The following MOB3A variants were observed in gnomAD, a reference collection of about 807,000 sequenced individuals.
The protein encoded by MOB3A is MOB LAK.
In MOB3A, 17 loss-of-function variants were observed where a neutral mutation model predicts 17.8. The ratio of observed to expected loss-of-function variants is 0.95; its 90% confidence interval spans 0.65 to 1.43. The LOEUF is 1.43. Among genes scored for constraint, MOB3A ranks in the 40% most tolerant of loss-of-function variants. MOB3A has a pLI of 0.00. For synonymous variants in MOB3A, 124 were observed against 133.2 expected, an observed-to-expected ratio of 0.93 and a Z score of 0.48; for missense variants, 333 against 310.8, an observed-to-expected ratio of 1.07 and a Z score of -0.54.
chr19:2,092,142 C>T (rs1033719709), intron 1 of MOB3A, among the ~76,000 whole-genome samples: 14 of 148,568 alleles, frequency 9.4e-5, no homozygotes, highest in Non-Finnish European at 1.9e-4. Flanking sequence ...GCTCTATCCC[C>T]CAGGCTGGAG....
In MOB3A at chr19:2,076,694, G is replaced by C; in HGVS notation, c.624+117C>G. ...GTCCCCGGGGCCCAACTCCAGCCGG[G>C]GCCGCCAGCTGCTGGGCCGACCGCA... is the stretch of plus-strand genomic sequence containing the variant. On this transcript the variant is annotated intron_variant, in intron 4 of 4. Transcript: ENST00000357066. 2.9e-6 allele frequency: 3 copies of C among 1,039,262 alleles called. No individual in the cohort carries two copies. In the South Asian group the frequency reaches 4.4e-5, roughly 15 times the overall value. 64.4% of individuals were successfully genotyped at this position (1,039,262 alleles called of 1,614,324 possible). A position where few individuals can be genotyped will look rare whatever the true frequency, so the allele number is the denominator to read the frequency against.
At chr19:2,083,962 G>A (rs577590156) in intron 2 of MOB3A, 1 of 261,364 alleles carries the variant, frequency 3.8e-6, no homozygotes, top group African/African-American at 2.3e-5. Flanking sequence ...TGTAGAGATA[G>A]GGTCTCACTA....
rs1004320 is a variant in MOB3A at position 2,082,679 on chromosome 19, C to T, written c.-120+2496G>A. Among the ~76,000 whole-genome samples the T allele has an allele frequency of 0.22, 34,148 of 152,044 alleles. 4,188 individuals carry two copies. Among genetic ancestry groups the T allele is most frequent in the African/African-American group, 0.33 (13,697 of 41,416 alleles). The stretch of plus-strand genomic sequence containing the variant: ...TAGTGACACACGCTTCCCGGGCCAG[C>T]GCTGCTCCACCACGGGGCCCCTCCA... On this transcript the variant is annotated intron_variant, in intron 2 of 4. Coordinates refer to ENST00000357066, the MANE Select transcript of MOB3A (RefSeq NM_130807.3). This position sits in a 1 kb window ranked among gnomAD's most constrained non-coding sequence, Gnocchi z 4.1.
In MOB3A at chr19:2,082,488, C is replaced by T. The variant is rs2017501200; in HGVS notation, c.-120+2687G>A. Among the ~76,000 whole-genome samples the T allele has an allele frequency of 6.6e-6, 1 of 152,234 alleles. No individual in the cohort carries two copies. Among genetic ancestry groups the T allele is most frequent in the Non-Finnish European group, 1.5e-5 (1 of 68,042 alleles). ...GATTCTACAGCAGTGTCTCACGCCA[C>T]AGAGCTAGTGGGTGGATCGGCTGGG... On this transcript the variant is annotated intron_variant, in intron 2 of 4. Transcript: ENST00000357066. This position sits in a 1 kb window ranked among gnomAD's most constrained non-coding sequence, Gnocchi z 4.1.
At chr19:2,088,860 C>T (rs1442350651) in intron 1 of MOB3A, among the ~76,000 whole-genome samples, 2 of 152,180 alleles carry the variant, frequency 1.3e-5, no homozygotes, top group Non-Finnish European at 2.9e-5. Context: ...ACCTTGGCCT[C>T]CCAAAGTGCT....
chr19:2,080,600 T>C (rs534796710), intron 2 of MOB3A, among the ~76,000 whole-genome samples: 6 of 152,080 alleles, frequency 3.9e-5, no homozygotes, highest in South Asian at 2.1e-4. Context: ...TGGTCTCGAA[T>C]TCCTGACCTC....
Position 2,076,925 on chromosome 19 carries a change from G to T in MOB3A, c.510C>A (p.His170Gln). 6.2e-7 allele frequency: 1 copy of T among 1,614,084 alleles called. No individual in the cohort carries two copies. The highest frequency in any genetic ancestry group is 8.5e-7 in the Non-Finnish European group (1 of 1,180,040). Residue 170 changes from histidine (H) to glutamine (Q), a missense_variant, in exon 4 of 5, where the codon CAC becomes CAA. Transcript: ENST00000357066. ...FRVFVHVYIH[H>Q]FDRIAQMGSE... ...AGCCCATCTGCGCGATGCGGTCAAAGTGGTGGATGTAGACGTGCACGAACA... is the reference window on the plus strand; with the variant it reads ...AGCCCATCTGCGCGATGCGGTCAAATTGGTGGATGTAGACGTGCACGAACA...
At chr19:2,077,232 C>CAAATA (rs1407127701) in intron 3 of MOB3A, among the ~76,000 whole-genome samples, 4 of 152,076 alleles carry the variant, frequency 2.6e-5, no homozygotes, top group African/African-American at 9.7e-5. Context: ...GAAACCCCAT[C>CAAATA]TTTACTAAAA....
At chr19:2,083,171 G>A (rs891441618) in intron 2 of MOB3A, among the ~76,000 whole-genome samples, 8 of 152,282 alleles carry the variant, frequency 5.3e-5, no homozygotes, top group South Asian at 4.1e-4. Context: ...CCCAAGGAAG[G>A]AGTAATCCCG....
At chr19:2,077,665 C>T in intron 3 of MOB3A, among the ~76,000 whole-genome samples, 1 of 152,044 alleles carries the variant, frequency 6.6e-6, no homozygotes, top group East Asian at 1.9e-4. Context: ...GGACTCCAGG[C>T]CTGATGCTGA....
Position 2,076,853 on chromosome 19 carries a change from G to A in MOB3A, c.582C>T (p.Val194=). Residue 194 remains valine (V), a synonymous_variant, in exon 4 of 5, where the codon GTC becomes GTT. Transcript: ENST00000357066. ...TGGTGTCGATGAGGCCGAACTCCTTGACGAAATAGTAGAAGTGCTTGTAGC... is the reference window on the plus strand; with the variant it reads ...TGGTGTCGATGAGGCCGAACTCCTTAACGAAATAGTAGAAGTGCTTGTAGC... ...NTCYKHFYYF[V]KEFGLIDTKE... 6.2e-7 allele frequency: 1 copy of A among 1,614,038 alleles called. No homozygotes were observed. Among genetic ancestry groups the A allele is most frequent in the Non-Finnish European group, 8.5e-7 (1 of 1,180,032 alleles).
In MOB3A at chr19:2,078,617, G is replaced by A; in HGVS notation, c.-57C>T. On this transcript the variant is annotated 5_prime_UTR_variant, in exon 3 of 5. Transcript: ENST00000357066. ...AGAGGGGTCCTGGGCCAGCTGGCTG[G>A]GGGTGCTGACCAACCCGAGAGGCCA... The A allele has an allele frequency of 6.6e-7, 1 of 1,509,216 alleles. No homozygotes were observed. The allele number at this position is 1,509,216 out of a possible 1,614,324, so 93.5% of individuals were successfully genotyped here. A position where few individuals can be genotyped will look rare whatever the true frequency, so the allele number is the denominator to read the frequency against.
At chr19:2,088,116 A>G (rs1211802215) in intron 1 of MOB3A, among the ~76,000 whole-genome samples, 2 of 152,124 alleles carry the variant, frequency 1.3e-5, no homozygotes, top group Non-Finnish European at 2.9e-5. Flanking sequence ...GTCTGGGGGC[A>G]TTTGTGGTTG....
chr19:2,075,631 C>T lies in MOB3A; in HGVS notation c.624+1180G>A, dbSNP rs368597808. ...GGTTCCAGTGCCAGGCCCTGAATCACGGGCACCCACTCCACTGCTGGTCCC... is the reference window on the plus strand; with the variant it reads ...GGTTCCAGTGCCAGGCCCTGAATCATGGGCACCCACTCCACTGCTGGTCCC... On this transcript the variant is annotated intron_variant, in intron 4 of 4. Coordinates refer to ENST00000357066, the MANE Select transcript of MOB3A (RefSeq NM_130807.3). Among the ~76,000 whole-genome samples the T allele has an allele frequency of 1.6e-3, 249 of 152,290 alleles. 14 individuals are homozygous for T. The South Asian group carries it at 0.049, about 30-fold the overall frequency.
intron 2 of MOB3A, among the ~76,000 whole-genome samples, chr19:2,081,678 G>A (rs1352472754): frequency 2.6e-5 from 4 of 152,098 alleles, no homozygotes; most frequent in East Asian, 1.9e-4. Flanking sequence ...GAGGTCAGGA[G>A]TTCAAGACCA....
At chr19:2,084,155 C>A in intron 2 of MOB3A, 1 of 501,010 alleles carries the variant, frequency 2.0e-6, no homozygotes, top group Non-Finnish European at 4.0e-6. Context: ...CAGGGCAGCC[C>A]GAGGAGCTTG....
chr19:2,073,768 C>T (rs888931304), intron 4 of MOB3A, among the ~76,000 whole-genome samples: 6 of 152,164 alleles, frequency 3.9e-5, no homozygotes, highest in Admixed American at 6.6e-5. Flanking sequence ...TGGTGGCTCA[C>T]GCCTGTAATC....
chr19:2,092,160 G>T (rs1470415746), intron 1 of MOB3A, among the ~76,000 whole-genome samples: 1 of 147,112 alleles, frequency 6.8e-6, no homozygotes, highest in African/African-American at 2.5e-5. Context: ...GAGTGCAGTG[G>T]TGCAATCACG....
chr19:2,093,876 T>C lies in MOB3A; in HGVS notation c.-274+2350A>G, dbSNP rs2017639639. On this transcript the variant is annotated intron_variant, in intron 1 of 4. Transcript: ENST00000357066. This position sits in a 1 kb window ranked among gnomAD's most constrained non-coding sequence, Gnocchi z 4.6. Reference sequence around the variant, plus strand: ...GACGTGACATGCTGGGATTTCACTTTCTTAGTTCTCACTCTGTAATCGGTA... The same window carrying C: ...GACGTGACATGCTGGGATTTCACTTCCTTAGTTCTCACTCTGTAATCGGTA... Among the ~76,000 whole-genome samples, 2 of 152,108 alleles carry C rather than the reference T, an allele frequency of 1.3e-5. No homozygotes were observed. Among genetic ancestry groups the C allele is most frequent in the South Asian group, 4.1e-4 (2 of 4,832 alleles).
Sources: gnomAD v4.1 joint callset for allele counts (sites outside exome capture counted in the v4.1 genomes callset) on GRCh38, gnomAD v4.1.1 for gene constraint, Gnocchi (gnomAD v3.1) non-coding constraint, MANE v1.5 for transcripts, NCBI Gene and HGNC (gene_info 2026-07-23, HGNC 2026-07-21) for gene names.